The following MIAT variants were observed in gnomAD, a reference collection of about 807,000 sequenced individuals.
The protein encoded by MIAT is myocardial infarction associated transcript, also known as MI related novel mRNA.
chr22:26,667,412 G>GCGTGCA (rs1930891125), intron 5 of MIAT: 4 of 395,820 alleles, frequency 1.0e-5, no homozygotes, highest in Admixed American at 4.4e-5. Context: ...GTGTGTGCGC[G>GCGTGCA]TGTATGTGTG....
At chr22:26,669,702 C>G (rs1465429518), downstream of MIAT, 1 of 399,248 alleles carries the variant, frequency 2.5e-6, no homozygotes, top group Non-Finnish European at 4.4e-6. Context: ...TTCCCGCCCC[C>G]ACCCAGGGAT....
chr22:26,665,141 T>G (rs1457424298), intron 3 of MIAT, among the ~76,000 whole-genome samples: 1 of 151,990 alleles, frequency 6.6e-6, no homozygotes, highest in African/African-American at 2.4e-5. Flanking sequence ...CTTAGGAGGC[T>G]TAGGCAGGGG....
At position 26,668,249 on chromosome 22, in the gene MIAT, C is replaced by T. The variant is rs559207287; in HGVS notation, n.2354C>T. 52 of 398,658 alleles carry T rather than the reference C, an allele frequency of 1.3e-4. No homozygotes were observed. The South Asian group carries it at 3.2e-3, about 24-fold the overall frequency. 24.7% of individuals were successfully genotyped at this position (398,658 alleles called of 1,614,324 possible). On this transcript the variant is annotated non_coding_transcript_exon_variant, in exon 6 of 6. Coordinates refer to ENST00000643270, the Ensembl canonical transcript of MIAT. ...TTGGATTCTGGCCACAGTGACTTAGCGGTCAGACTCCGGTGGTTTTCTAGC... is the reference window on the plus strand; with the variant it reads ...TTGGATTCTGGCCACAGTGACTTAGTGGTCAGACTCCGGTGGTTTTCTAGC...
intron 2 of MIAT, among the ~76,000 whole-genome samples, chr22:26,659,716 T>A (rs895606302): frequency 6.6e-6 from 1 of 151,266 alleles, no homozygotes; most frequent in African/African-American, 2.4e-5. Flanking sequence ...TATAATTTTT[T>A]CCGATTTTAA....
intron 2 of MIAT, among the ~76,000 whole-genome samples, chr22:26,647,889 TG>T (rs146712510): frequency 0.013 from 1,951 of 151,002 alleles, 46 homozygotes; most frequent in African/African-American, 0.038. Flanking sequence ...GCATTGGGTG[TG>T]GGGGCCGTGG....
chr22:26,652,018 G>T (rs968156755), intron 2 of MIAT, among the ~76,000 whole-genome samples: 3 of 152,198 alleles, frequency 2.0e-5, no homozygotes, highest in Non-Finnish European at 4.4e-5. Context: ...TTTTGAGACA[G>T]AGTTTTGCTC....
chr22:26,649,243 T>C (rs1321445322), intron 2 of MIAT, among the ~76,000 whole-genome samples: 1 of 152,162 alleles, frequency 6.6e-6, no homozygotes, highest in Non-Finnish European at 1.5e-5. Flanking sequence ...CTACCCAAAG[T>C]CACATGGTGG....
chr22:26,654,657 C>T (rs1393618348), intron 2 of MIAT, among the ~76,000 whole-genome samples: 1 of 152,170 alleles, frequency 6.6e-6, no homozygotes, highest in African/African-American at 2.4e-5. Context: ...CTTGTCACTG[C>T]ACTCCAGCCT....
exon 4 of MIAT, chr22:26,665,691 T>C (rs1052114900): frequency 2.5e-6 from 1 of 398,530 alleles, no homozygotes; most frequent in Non-Finnish European, 4.4e-6. Flanking sequence ...GAAAGTGTAG[T>C]ATCCTAGAAT....
chr22:26,673,064 TGTC>T, downstream of MIAT: 2 of 398,572 alleles, frequency 5.0e-6, no homozygotes, highest in Non-Finnish European at 8.8e-6. Flanking sequence ...GGGCGTTAGT[TGTC>T]GGGTTGAAAA....
chr22:26,660,663 T>G lies in MIAT; in HGVS notation n.647-2653T>G, dbSNP rs1017821096. 4 of 152,188 alleles carry G rather than the reference T, an allele frequency of 2.6e-5. No individual in the cohort carries two copies. The South Asian group carries it at 8.3e-4, about 32-fold the overall frequency. The allele number at this position is 152,188 out of a possible 1,614,324, so 9.4% of individuals were successfully genotyped here. A position where few individuals can be genotyped will look rare whatever the true frequency, so the allele number is the denominator to read the frequency against. On this transcript the variant is annotated intron_variant and non_coding_transcript_variant, in intron 2 of 5. Transcript: ENST00000643270. ...CCTATTGTTGGTCCTGCTAGTTGTT[T>G]CCAATTTTTCTTTTCTTCTGCGTCT...
upstream of MIAT, chr22:26,646,451 C>T (rs546366546): frequency 4.3e-5 from 17 of 399,210 alleles, no homozygotes; most frequent in Non-Finnish European, 6.6e-5. Context: ...ACAGGAACCA[C>T]GAGAGGCAGG....
exon 4 of MIAT, chr22:26,665,537 G>A (rs1231234557): frequency 1.0e-5 from 4 of 398,626 alleles, no homozygotes; most frequent in Non-Finnish European, 1.8e-5. Flanking sequence ...ACAGAGAGCA[G>A]CAAGTTCCTG....
intron 3 of MIAT, chr22:26,663,440 G>A (rs1200784180): frequency 1.5e-5 from 6 of 398,474 alleles, no homozygotes; most frequent in African/African-American, 1.2e-4. Flanking sequence ...GGATGGTAGA[G>A]ACCAGCTTAA....
chr22:26,647,979 A>T (rs973652554), intron 2 of MIAT, among the ~76,000 whole-genome samples: 1 of 152,060 alleles, frequency 6.6e-6, no homozygotes, highest in Non-Finnish European at 1.5e-5. Flanking sequence ...CCCCATCCCA[A>T]TTCCTTCTAG....
intron 2 of MIAT, among the ~76,000 whole-genome samples, chr22:26,657,857 A>G: frequency 6.6e-6 from 1 of 152,126 alleles, no homozygotes; most frequent in Non-Finnish European, 1.5e-5. Flanking sequence ...CACAGCCAAG[A>G]CTCTGGCTGG....
chr22:26,671,838 A>G (rs1054997494), downstream of MIAT: 2 of 398,398 alleles, frequency 5.0e-6, no homozygotes, highest in African/African-American at 2.1e-5. Context: ...CCTAAAAAAA[A>G]AAAAAGTATG....
chr22:26,668,216 G>A (rs1054131563), exon 6 of MIAT: 143 of 398,522 alleles, frequency 3.6e-4, no homozygotes, highest in Admixed American at 4.8e-4. Flanking sequence ...TTTGGACCTC[G>A]GGTGACCTTG....
At chr22:26,648,430 G>A (rs1930276652) in intron 2 of MIAT, among the ~76,000 whole-genome samples, 1 of 152,170 alleles carries the variant, frequency 6.6e-6, no homozygotes, top group African/African-American at 2.4e-5. Flanking sequence ...GGAGCCTGGG[G>A]GCAGGGGGAG....
Sources: allele counts gnomAD v4.1 joint callset (sites outside exome capture counted in the v4.1 genomes callset), GRCh38; gene constraint gnomAD v4.1.1; transcripts MANE v1.5; gene names NCBI Gene and HGNC (gene_info 2026-07-23, HGNC 2026-07-21).